BMPR1B: variants seen among roughly 807,000 people sequenced by gnomAD.
BMPR1B encodes bone morphogenetic protein receptor type 1B.
BMPR1B carries 12 observed loss-of-function variants against 59.1 expected under a neutral mutation model. The observed-to-expected ratio is 0.20, with a 90% CI of 0.13 to 0.33. BMPR1B has a LOEUF of 0.33. Ranked by LOEUF, BMPR1B falls within the 10% of genes least tolerant of loss-of-function variation. BMPR1B has a pLI of 1.00. For missense variants in BMPR1B, 550 were observed against 610.9 expected (o/e 0.90, Z 1.05); for synonymous variants, 237 against 207.3 (o/e 1.14, Z -1.23).
At chr4:95,086,998 CTTTTT>C (rs34460668) in intron 3 of BMPR1B, among the ~76,000 whole-genome samples, 9 of 103,100 alleles carry the variant, frequency 8.7e-5, no homozygotes, top group South Asian at 2.9e-4. Context: ...TCATATCCTT[CTTTTT>C]TTTTTTTTTT....
intron 3 of BMPR1B, among the ~76,000 whole-genome samples, chr4:95,029,083 T>TA (rs1553928884): frequency 7.1e-6 from 1 of 140,782 alleles, no homozygotes; most frequent in Admixed American, 7.2e-5. Flanking sequence ...TTTATTTATT[T>TA]TTTATTTCTT....
chr4:95,000,740 A>G (rs1722388194), intron 3 of BMPR1B, among the ~76,000 whole-genome samples: 1 of 152,200 alleles, frequency 6.6e-6, no homozygotes, highest in Admixed American at 6.5e-5. Context: ...AGATTATAAC[A>G]ACAACAAACA....
At chr4:95,049,844 A>G (rs969587523) in intron 3 of BMPR1B, among the ~76,000 whole-genome samples, 5 of 152,082 alleles carry the variant, frequency 3.3e-5, no homozygotes, top group Middle Eastern at 6.8e-3. Context: ...CTGTGGTGTT[A>G]TAACCTTCTT....
Position 95,155,137 on chromosome 4 carries a change from G to A in BMPR1B, c.*464G>A, listed in dbSNP as rs193193227. 133 of 178,758 alleles carry A rather than the reference G, an allele frequency of 7.4e-4. No individual in the cohort carries two copies. Among genetic ancestry groups the A allele is most frequent in the African/African-American group, 3.0e-3 (127 of 41,862 alleles). The allele number at this position is 178,758 out of a possible 1,614,324, so 11.1% of individuals were successfully genotyped here. A position where few individuals can be genotyped will look rare whatever the true frequency, so the allele number is the denominator to read the frequency against. On this transcript the variant is annotated 3_prime_UTR_variant, in exon 13 of 13. Coordinates refer to ENST00000515059, the MANE Select transcript of BMPR1B (RefSeq NM_001203.3). ...TTGGTAAAATATTGTTGCACTCTGT[G>A]AACCAAAAGACAGTCTAAGTTGGAG...
At chr4:95,007,011 C>G (rs1722890510) in intron 3 of BMPR1B, among the ~76,000 whole-genome samples, 2 of 152,150 alleles carry the variant, frequency 1.3e-5, no homozygotes, top group Non-Finnish European at 2.9e-5. Flanking sequence ...TCTATTCCTA[C>G]AAGGAAGACA....
At chr4:95,008,847 A>G (rs749105783) in intron 3 of BMPR1B, among the ~76,000 whole-genome samples, 2 of 152,200 alleles carry the variant, frequency 1.3e-5, no homozygotes, top group African/African-American at 2.4e-5. Flanking sequence ...GTCAATAAAC[A>G]TATGAAACAT....
At chr4:94,986,287 T>TCCC in intron 2 of BMPR1B, among the ~76,000 whole-genome samples, 1 of 152,320 alleles carries the variant, frequency 6.6e-6, no homozygotes, top group Admixed American at 6.5e-5. Flanking sequence ...ATTGCACCTC[T>TCCC]GTTCTTGCTC....
At chr4:94,983,673 A>G (rs2044328) in intron 2 of BMPR1B, among the ~76,000 whole-genome samples, 145,506 of 152,308 alleles carry the variant, frequency 0.96, 69,536 homozygotes, top group Middle Eastern at 0.99. Flanking sequence ...ACAGTGTCCC[A>G]TATTAGAAAT....
intron 2 of BMPR1B, among the ~76,000 whole-genome samples, chr4:94,878,264 G>A (rs888215545): frequency 2.0e-5 from 3 of 152,088 alleles, no homozygotes; most frequent in Non-Finnish European, 4.4e-5. Flanking sequence ...TTCCTTCTAA[G>A]GTTTGTTAAA....
At chr4:95,096,868 A>G (rs1258512873) in intron 3 of BMPR1B, among the ~76,000 whole-genome samples, 2 of 142,152 alleles carry the variant, frequency 1.4e-5, no homozygotes, top group Non-Finnish European at 1.5e-5. Context: ...ATATAACTAT[A>G]GTTATATATA....
At chr4:95,144,861 T>C (rs10516958) in intron 10 of BMPR1B, among the ~76,000 whole-genome samples, 73,877 of 151,952 alleles carry the variant, frequency 0.49, 18,915 homozygotes, top group Admixed American at 0.63. Flanking sequence ...CAGTTCTCCT[T>C]CGTAGCAGCT....
intron 1 of BMPR1B, among the ~76,000 whole-genome samples, chr4:94,788,499 A>C (rs1722840914): frequency 6.6e-6 from 1 of 152,134 alleles, no homozygotes; most frequent in South Asian, 2.1e-4. Context: ...AGTCTGGGTC[A>C]CCCCATAAGG....
At chr4:95,134,912 T>C (rs1051079968) in intron 10 of BMPR1B, among the ~76,000 whole-genome samples, 1 of 152,190 alleles carries the variant, frequency 6.6e-6, no homozygotes, top group Admixed American at 6.6e-5. Flanking sequence ...TTGCTTTTGG[T>C]GTTTTAGACA....
At chr4:95,037,728 G>GA (rs1241177437) in intron 3 of BMPR1B, among the ~76,000 whole-genome samples, 1 of 152,060 alleles carries the variant, frequency 6.6e-6, no homozygotes, top group Admixed American at 6.5e-5. Flanking sequence ...GGATTTGGAA[G>GA]AAAAAAGTAA....
Position 95,037,432 on chromosome 4 carries a change from A to C in BMPR1B, c.-18+41298A>C, listed in dbSNP as rs371440368. ...TTTGAGAAAAGAGGTTATTGGAAAG[A>C]ATCATTATCACCTATACTTGTGTGA... is the stretch of plus-strand genomic sequence containing the variant. On this transcript the variant is annotated intron_variant, in intron 3 of 12. Coordinates refer to ENST00000515059, the MANE Select transcript of BMPR1B (RefSeq NM_001203.3). 3.5e-4 allele frequency among the ~76,000 whole-genome samples: 54 copies of C among 152,292 alleles called. No homozygotes were observed. The South Asian group carries it at 0.01, about 29-fold the overall frequency.
At chr4:94,975,352 C>CTTT (rs1730981877) in intron 2 of BMPR1B, among the ~76,000 whole-genome samples, 5 of 130,126 alleles carry the variant, frequency 3.8e-5, no homozygotes, top group East Asian at 2.7e-4. Flanking sequence ...TCTTAATTTC[C>CTTT]TTTTGTTTTT....
intron 10 of BMPR1B, among the ~76,000 whole-genome samples, chr4:95,143,135 A>T (rs562058796): frequency 6.6e-6 from 1 of 152,108 alleles, no homozygotes; most frequent in Non-Finnish European, 1.5e-5. Context: ...CAGCCCCATG[A>T]CTTCCCTCCC....
intron 8 of BMPR1B, among the ~76,000 whole-genome samples, chr4:95,128,762 T>G (rs1733085552): frequency 2.6e-5 from 4 of 152,176 alleles, no homozygotes; most frequent in Admixed American, 2.6e-4. Context: ...CCATTAATCT[T>G]TTCTTGCTTA....
intron 2 of BMPR1B, among the ~76,000 whole-genome samples, chr4:94,943,369 C>T (rs981329528): frequency 6.6e-6 from 1 of 152,136 alleles, no homozygotes; most frequent in Non-Finnish European, 1.5e-5. Flanking sequence ...GAACTCCTGC[C>T]CGTCTCAGCC....
Sources: allele counts gnomAD v4.1 joint callset (sites outside exome capture counted in the v4.1 genomes callset), GRCh38; gene constraint gnomAD v4.1.1; transcripts MANE v1.5; gene names NCBI Gene and HGNC (gene_info 2026-07-23, HGNC 2026-07-21).